C1QL2: variants seen among roughly 807,000 people sequenced by gnomAD.
C1QL2 encodes the protein complement C1q-like protein 2.
A neutral mutation model predicts 16.6 loss-of-function variants in C1QL2; 13 were observed. The observed-to-expected ratio is 0.78, with a 90% CI of 0.51 to 1.25. The LOEUF is 1.25. Among genes scored for constraint, C1QL2 ranks in the 50% most tolerant of loss-of-function variants. The pLI, the probability that C1QL2 is intolerant of heterozygous loss-of-function variation, is 0.00. For synonymous variants in C1QL2, 210 were observed against 183.2 expected (o/e 1.15, Z -1.18); for missense variants, 396 against 409.6 (o/e 0.97, Z 0.29).
chr2:119,157,695 G>C lies in C1QL2; in HGVS notation c.575C>G (p.Thr192Arg). 6.2e-6 allele frequency: 10 copies of C among 1,614,172 alleles called. No homozygotes were observed. The highest frequency in any genetic ancestry group is 8.5e-6 in the Non-Finnish European group (10 of 1,180,006). ...TNLGNHYDPT[T>R]GKFSCQVRGI... Reference sequence around the variant, plus strand: ...GCGTACCTGGCAGCTGAACTTGCCCGTGGTGGGGTCATAGTGATTGCCGAG... The same window carrying C: ...GCGTACCTGGCAGCTGAACTTGCCCCTGGTGGGGTCATAGTGATTGCCGAG... The change falls in exon 1 of 2, where the codon ACG becomes AGG. Residue 192 changes from threonine (T) to arginine (R), a missense_variant. Thr to Arg is a moderately conservative substitution (Grantham distance 71). Transcript: ENST00000272520.
Position 119,158,081 on chromosome 2 carries a change from C to G in C1QL2, c.189G>C (p.Gln63His). The change falls in exon 1 of 2, where the codon CAG (glutamine) becomes CAC (histidine). Residue 63 changes from glutamine (Q) to histidine (H), a missense_variant. By Grantham distance (24) the Gln-to-His change is conservative (BLOSUM62 0). Transcript: ENST00000272520. The part of the protein sequence containing the change: ...GPSTAALEVM[Q>H]DLSANPPPPF... ...GAGGAGGAGGGTTGGCGCTGAGGTCCTGCATGACTTCCAGGGCGGCGGTGC... is the reference window on the plus strand; with the variant it reads ...GAGGAGGAGGGTTGGCGCTGAGGTCGTGCATGACTTCCAGGGCGGCGGTGC... 1 of 1,527,890 alleles carries G rather than the reference C, an allele frequency of 6.5e-7. No individual in the cohort carries two copies. The allele number at this position is 1,527,890 out of a possible 1,614,324, so 94.6% of individuals were successfully genotyped here.
chr2:119,158,379 C>A lies in C1QL2; in HGVS notation c.-110G>T, dbSNP rs1252654458. 2 of 965,144 alleles carry A rather than the reference C, an allele frequency of 2.1e-6. No homozygotes were observed. The highest frequency in any genetic ancestry group is 7.0e-5 in the East Asian group (2 of 28,630). The allele number at this position is 965,144 out of a possible 1,614,324, so 59.8% of individuals were successfully genotyped here. ...GCCGCCCGGGGAGGTAATGGTGGGG[C>A]GGCGCGGGCGGCCCCGCTCCCCGCG... is the stretch of plus-strand genomic sequence containing the variant. On this transcript the variant is annotated 5_prime_UTR_variant, in exon 1 of 2. Transcript: ENST00000272520.
Position 119,157,068 on chromosome 2 carries a change from C to T in C1QL2, c.685-87G>A, listed in dbSNP as rs371301834. On this transcript the variant is annotated intron_variant, in intron 1 of 1. Transcript: ENST00000272520. ...CACACCAGGCGCGCCACTCACGGGC[C>T]TCCCGCCTGCTGCTTCAGGGTCCAC... 7.8e-5 allele frequency: 114 copies of T among 1,460,568 alleles called. No individual in the cohort carries two copies. In the East Asian group the frequency reaches 2.2e-3, roughly 28 times the overall value. The allele number at this position is 1,460,568 out of a possible 1,614,324, so 90.5% of individuals were successfully genotyped here.
At position 119,158,116 on chromosome 2, in the gene C1QL2, G is replaced by A; in HGVS notation, c.154C>T (p.Pro52Ser). The A allele has an allele frequency of 6.5e-7, 1 of 1,541,028 alleles. No individual in the cohort carries two copies. The highest frequency in any genetic ancestry group is 8.7e-7 in the Non-Finnish European group (1 of 1,145,158). ...TCCAGGGCGGCGGTGCTGGGTCCGG[G>A]TGGCTGCGCCTTTGCACCCGGGGGC... The part of the protein sequence containing the change: ...GEPPGAKAQP[P>S]GPSTAALEVM... Residue 52 changes from proline to serine, a missense_variant, in exon 1 of 2, where the codon CCC becomes TCC. By Grantham distance (74) the Pro-to-Ser change is moderately conservative. This residue lies in a region of C1QL2 where 353 missense variants were observed against 334.8 expected (regional missense o/e 1.05). Transcript: ENST00000272520.
In C1QL2 at chr2:119,157,122, C is replaced by A. The variant is rs928345871; in HGVS notation, c.685-141G>T. On this transcript the variant is annotated intron_variant, in intron 1 of 1. Transcript: ENST00000272520. ...CCCACCCCAGCTCCATGTTCTCTCTCCAACTTAGTCAACTCCTTCCAGGTC... is the reference window on the plus strand; with the variant it reads ...CCCACCCCAGCTCCATGTTCTCTCTACAACTTAGTCAACTCCTTCCAGGTC... 4 of 986,492 alleles carry A rather than the reference C, an allele frequency of 4.1e-6. No individual in the cohort carries two copies. In the South Asian group the frequency reaches 6.4e-5, roughly 16 times the overall value. 61.1% of individuals were successfully genotyped at this position (986,492 alleles called of 1,614,324 possible).
chr2:119,156,627 TG>T lies in C1QL2; in HGVS notation c.*174del. On this transcript the variant is annotated 3_prime_UTR_variant, in exon 2 of 2. Coordinates refer to ENST00000272520, the MANE Select transcript of C1QL2 (RefSeq NM_182528.4). ...GAGACCAGGAGCACAGCCCTGAGCG[TG>T]GTGGGTCGCAGACGCACTGAGGCCA... 1 of 725,526 alleles carries T rather than the reference TG, an allele frequency of 1.4e-6. No homozygotes were observed. Among genetic ancestry groups the T allele is most frequent in the Non-Finnish European group, 2.2e-6 (1 of 457,920 alleles). The allele number at this position is 725,526 out of a possible 1,614,324, so 44.9% of individuals were successfully genotyped here.
At chr2:119,157,513 G>A (rs761777380) in intron 1 of C1QL2, 73 bp downstream of exon 1, 10 of 1,538,014 alleles carry the variant, frequency 6.5e-6, no homozygotes, top group Admixed American at 1.9e-5. Flanking sequence ...GGAGAGAAAG[G>A]AGGCTGGTTC....
rs577355177 is a variant in C1QL2, at chr2:119,156,570, G to A, written c.*232C>T. 33 of 517,038 alleles carry A rather than the reference G, an allele frequency of 6.4e-5. No homozygotes were observed. Among genetic ancestry groups the A allele is most frequent in the Non-Finnish European group, 1.3e-5 (4 of 299,286 alleles). The allele number at this position is 517,038 out of a possible 1,614,324, so 32.0% of individuals were successfully genotyped here. ...CTGTGCCGCCGCCTCAAGGGCTCGG[G>A]CGTCCCTTCCTCCCTTGCCGGGATG... On this transcript the variant is annotated 3_prime_UTR_variant, in exon 2 of 2. Transcript: ENST00000272520.
At chr2:119,157,417 G>A (rs959812649) in intron 1 of C1QL2, among the ~76,000 whole-genome samples, 169 bp downstream of exon 1, 3 of 152,200 alleles carry the variant, frequency 2.0e-5, no homozygotes, top group East Asian at 1.9e-4. Flanking sequence ...ACGTCCCGGT[G>A]AGCGCGGCCT....
At position 119,157,887 on chromosome 2, in the gene C1QL2, C is replaced by T. The variant is rs1351917637; in HGVS notation, c.383G>A (p.Gly128Asp). 1.9e-6 allele frequency: 3 copies of T among 1,572,986 alleles called. No individual in the cohort carries two copies. In the Admixed American group the frequency reaches 5.4e-5, roughly 28 times the overall value. ...GGCCCCGCCGCCCACCACCCCGACGCCGCTGGCCGTGCCCGCCGTCAGTTG... is the reference window on the plus strand; with the variant it reads ...GGCCCCGCCGCCCACCACCCCGACGTCGCTGGCCGTGCCCGCCGTCAGTTG... Reference protein sequence around the residue: ...GLQLTAGTASGVGVVGGGAGV... With the variant: ...GLQLTAGTASDVGVVGGGAGV... The change falls in exon 1 of 2, where the codon GGC becomes GAC. Residue 128 changes from glycine (G) to aspartate (D), a missense_variant. Physicochemically the swap from Gly to Asp is moderately conservative, Grantham distance 94. Transcript: ENST00000272520.
rs1202127355 is a variant in C1QL2 at position 119,158,650 on chromosome 2, C to G, written c.-381G>C. On this transcript the variant is annotated 5_prime_UTR_variant, in exon 1 of 2. Coordinates refer to ENST00000272520, the MANE Select transcript of C1QL2 (RefSeq NM_182528.4). ...TGGCCGGGGAGTCTGCTTGCGGCGT[C>G]CGGCGCTGGCTCCGCGGCGCTGCCT... 5 of 155,464 alleles carry G rather than the reference C, an allele frequency of 3.2e-5. No homozygotes were observed. The highest frequency in any genetic ancestry group is 7.2e-5 in the African/African-American group (3 of 41,656). The allele number at this position is 155,464 out of a possible 1,614,324, so 9.6% of individuals were successfully genotyped here. A position where few individuals can be genotyped will look rare whatever the true frequency, so the allele number is the denominator to read the frequency against.
chr2:119,157,077 G>T (rs1200526079), intron 1 of C1QL2, 96 bp from the exon 2 acceptor site: 3 of 1,413,250 alleles, frequency 2.1e-6, no homozygotes, highest in African/African-American at 1.4e-5. Context: ...CCTCCCGCCT[G>T]CTGCTTCAGG....
In C1QL2 at chr2:119,158,207, C is replaced by A. The variant is rs770629944; in HGVS notation, c.63G>T (p.Ala21=). The change falls in exon 1 of 2, where the codon GCG becomes GCT. Residue 21 remains alanine (A), a synonymous_variant. Transcript: ENST00000272520. ...LLLQAAPRGA[A]HYEMMGTCRM... is the part of the protein sequence containing the mutation. ...GGCAGGTGCCCATCATCTCATAGTG[C>A]GCGGCGCCTCGGGGCGCCGCCTGCA... 8.9e-6 allele frequency: 14 copies of A among 1,574,782 alleles called. No homozygotes were observed. In the East Asian group the frequency reaches 2.2e-4, roughly 25 times the overall value.
rs747188269 is a variant in C1QL2 at position 119,157,793 on chromosome 2, G to A, written c.477C>T (p.Ile159=). ...ALSATFSGPK[I]AFYVGLKSPH... is the part of the protein sequence containing the mutation. The stretch of plus-strand genomic sequence containing the variant: ...GGCTCTTGAGACCCACATAGAAGGC[G>A]ATCTTGGGGCCGCTGAAGGTGGCGC... The change falls in exon 1 of 2, where the codon ATC becomes ATT. Residue 159 remains isoleucine (I), a synonymous_variant. Coordinates refer to ENST00000272520, the MANE Select transcript of C1QL2 (RefSeq NM_182528.4). 93 of 1,606,732 alleles carry A rather than the reference G, an allele frequency of 5.8e-5. No individual in the cohort carries two copies. The highest frequency in any genetic ancestry group is 7.7e-5 in the Non-Finnish European group (91 of 1,176,438).
In C1QL2 at chr2:119,157,573, A is replaced by G. The variant is rs1300730205; in HGVS notation, c.684+13T>C. ...AGGGTTTACGGGGGCCGGTGAGTGT[A>G]GGGGTCACTGACCTGCCCGTTCTTG... On this transcript the variant is annotated intron_variant, in intron 1 of 1. Transcript: ENST00000272520. 6.2e-7 allele frequency: 1 copy of G among 1,613,252 alleles called. No individual in the cohort carries two copies. Among genetic ancestry groups the G allele is most frequent in the Non-Finnish European group, 8.5e-7 (1 of 1,179,780 alleles).
intron 1 of C1QL2, among the ~76,000 whole-genome samples, chr2:119,157,298 A>C (rs1238124835): frequency 6.6e-6 from 1 of 152,186 alleles, no homozygotes; most frequent in Non-Finnish European, 1.5e-5. Context: ...GAACTAAAGA[A>C]CTGAGGTTTC....
Position 119,156,822 on chromosome 2 carries a change from A to G in C1QL2, c.844T>C (p.Phe282Leu). The G allele has an allele frequency of 6.2e-7, 1 of 1,613,906 alleles. No homozygotes were observed. Among genetic ancestry groups the G allele is most frequent in the Non-Finnish European group, 8.5e-7 (1 of 1,179,830 alleles). ...CGCCCCTAATCCGGGTACAGAAGAA[A>G]GCCCGAGAACGTGCTGTACTTGTTA... ...NNNKYSTFSG[F>L]LLYPD The change falls in exon 2 of 2, where the codon TTT (phenylalanine) becomes CTT (leucine). Residue 282 changes from phenylalanine to leucine, a missense_variant. Physicochemically the swap from Phe to Leu is conservative, Grantham distance 22. Transcript: ENST00000272520.
intron 1 of C1QL2, among the ~76,000 whole-genome samples, chr2:119,157,282 T>A (rs928398122): frequency 6.6e-6 from 1 of 152,102 alleles, no homozygotes; most frequent in East Asian, 1.9e-4. Context: ...GGGGGCGACC[T>A]GGAGAGAACT....
In C1QL2 at chr2:119,158,197, T is replaced by C; in HGVS notation, c.73A>G (p.Met25Val). The C allele has an allele frequency of 2.5e-6, 4 of 1,577,612 alleles. No individual in the cohort carries two copies. The highest frequency in any genetic ancestry group is 3.4e-6 in the Non-Finnish European group (4 of 1,165,662). The change falls in exon 1 of 2, where the codon ATG (methionine) becomes GTG (valine). Residue 25 changes from methionine to valine, a missense_variant. By Grantham distance (21) the Met-to-Val change is conservative. This residue lies in a region of C1QL2 where 353 missense variants were observed against 334.8 expected (regional missense o/e 1.05). Transcript: ENST00000272520. ...CAGATCATGCGGCAGGTGCCCATCA[T>C]CTCATAGTGCGCGGCGCCTCGGGGC... ...AAPRGAAHYE[M>V]MGTCRMICDP...
Sources: gnomAD v4.1 joint callset for allele counts (sites outside exome capture counted in the v4.1 genomes callset) on GRCh38, gnomAD v4.1.1 for gene constraint, gnomAD v4.1.1 regional missense constraint, MANE v1.5 for transcripts, NCBI Gene and HGNC (gene_info 2026-07-23, HGNC 2026-07-21) for gene names.